The following ZNF385D variants were observed in gnomAD, a reference collection of about 807,000 sequenced individuals.
ZNF385D encodes the protein zinc finger protein 659.
A neutral mutation model predicts 35.8 loss-of-function variants in ZNF385D; 15 were observed. That is an observed-to-expected ratio of 0.42 (90% CI 0.28 to 0.64). ZNF385D has a LOEUF of 0.64. ZNF385D is among the 30% of genes least tolerant of loss of function. ZNF385D has a pLI of 0.23. For missense variants in ZNF385D, 474 were observed against 494.6 expected (o/e 0.96, Z 0.39); for synonymous variants, 212 against 186.8 (o/e 1.13, Z -1.10).
At chr3:22,145,636 T>A (rs1411701160) in intron 3 of ZNF385D, among the ~76,000 whole-genome samples, 1 of 152,240 alleles carries the variant, frequency 6.6e-6, no homozygotes, top group African/African-American at 2.4e-5. Context: ...TTTGGGGTTT[T>A]GAGTTACAAA....
chr3:21,727,541 T>A (rs1442728349), intron 1 of ZNF385D, among the ~76,000 whole-genome samples: 1 of 152,174 alleles, frequency 6.6e-6, no homozygotes, highest in Non-Finnish European at 1.5e-5. Context: ...AAGGAGACAT[T>A]TATGCAGCCA....
chr3:21,882,660 C>G (rs1698339823), intron 3 of ZNF385D, among the ~76,000 whole-genome samples: 1 of 151,908 alleles, frequency 6.6e-6, no homozygotes, highest in African/African-American at 2.4e-5. Context: ...AACAAGATCC[C>G]CTGATTCTCA....
intron 5 of ZNF385D, among the ~76,000 whole-genome samples, chr3:21,428,569 C>G (rs929741845): frequency 1.3e-5 from 2 of 152,086 alleles, no homozygotes; most frequent in African/African-American, 4.8e-5. Flanking sequence ...CCCGCACCCC[C>G]ACCCCCTGCT....
At chr3:22,227,133 A>G (rs988125454) in intron 2 of ZNF385D, among the ~76,000 whole-genome samples, 2 of 151,742 alleles carry the variant, frequency 1.3e-5, no homozygotes, top group African/African-American at 4.9e-5. Flanking sequence ...TTATGATTAT[A>G]TAACATAATA....
intron 3 of ZNF385D, among the ~76,000 whole-genome samples, chr3:22,063,199 T>C (rs774185127): frequency 1.9e-4 from 29 of 152,172 alleles, no homozygotes; most frequent in South Asian, 2.1e-4. Context: ...TTTCTCTATC[T>C]GAATAATGGG....
chr3:21,751,503 C>T (rs1559584919), upstream of ZNF385D: 1 of 962,208 alleles, frequency 1.0e-6, no homozygotes, highest in Non-Finnish European at 1.2e-6. Context: ...TTACCCCGCC[C>T]CTCCTGTGAA....
rs560308004 is a variant in ZNF385D at position 21,579,000 on chromosome 3, G to C, written c.166-14316C>G. Among the ~76,000 whole-genome samples, 66 of 152,248 alleles carry C rather than the reference G, an allele frequency of 4.3e-4. 2 individuals are homozygous for C. The South Asian group carries it at 0.013, about 31-fold the overall frequency. Reference sequence around the variant, plus strand: ...GTAGAGACCTTGTCATCAGCACTTAGAGTCTTAGTTCCACTCTTAATTCCT... The same window carrying C: ...GTAGAGACCTTGTCATCAGCACTTACAGTCTTAGTTCCACTCTTAATTCCT... On this transcript the variant is annotated intron_variant, in intron 2 of 7. Transcript: ENST00000281523.
intron 3 of ZNF385D, among the ~76,000 whole-genome samples, chr3:22,008,067 G>A (rs916775051): frequency 3.9e-5 from 6 of 151,976 alleles, no homozygotes; most frequent in African/African-American, 1.4e-4. Flanking sequence ...AGTTTGATGA[G>A]AAGTAGAATC....
At chr3:21,831,800 ATGTATTTTGTTACCC>A (rs1411085417) in intron 3 of ZNF385D, among the ~76,000 whole-genome samples, 6 of 152,272 alleles carry the variant, frequency 3.9e-5, no homozygotes, top group Non-Finnish European at 5.9e-5. Context: ...GATTGTTAGG[ATGTATTTTGTTACCC>A]TGTATTTTGG....
intron 2 of ZNF385D, among the ~76,000 whole-genome samples, chr3:21,590,068 C>A (rs80009385): frequency 6.6e-6 from 1 of 152,180 alleles, no homozygotes; most frequent in East Asian, 1.9e-4. Context: ...TAACAGAAGT[C>A]TTTGTAACAG....
chr3:22,092,985 C>G (rs1353507577), intron 3 of ZNF385D, among the ~76,000 whole-genome samples: 1 of 152,066 alleles, frequency 6.6e-6, no homozygotes, highest in Non-Finnish European at 1.5e-5. Context: ...CGCAAATAAA[C>G]TTATCAAAAC....
chr3:21,800,547 A>T (rs1182519861), intron 3 of ZNF385D, among the ~76,000 whole-genome samples: 1 of 152,224 alleles, frequency 6.6e-6, no homozygotes, highest in Non-Finnish European at 1.5e-5. Flanking sequence ...CTAAGGCAGG[A>T]GCATTGCTTG....
At chr3:21,662,837 A>T (rs750508228) in intron 2 of ZNF385D, among the ~76,000 whole-genome samples, 3 of 152,224 alleles carry the variant, frequency 2.0e-5, no homozygotes, top group Non-Finnish European at 4.4e-5. Flanking sequence ...ACATTTTCAG[A>T]ATCAGAAGGG....
At chr3:22,151,746 C>G (rs939368322) in intron 3 of ZNF385D, among the ~76,000 whole-genome samples, 1 of 152,066 alleles carries the variant, frequency 6.6e-6, no homozygotes, top group South Asian at 2.1e-4. Context: ...CAGAAACATC[C>G]AGAATAATAT....
At chr3:21,712,406 C>T (rs915684336) in intron 1 of ZNF385D, among the ~76,000 whole-genome samples, 10 of 152,280 alleles carry the variant, frequency 6.6e-5, no homozygotes, top group Middle Eastern at 3.4e-3. Flanking sequence ...ATTGAACTCA[C>T]GGTCTCTTCT....
chr3:21,688,355 CAGTATTTATTATAAAT>C (rs1253854615), intron 1 of ZNF385D, among the ~76,000 whole-genome samples: 1 of 151,598 alleles, frequency 6.6e-6, no homozygotes, highest in Non-Finnish European at 1.5e-5. Context: ...TTGGTATGTC[CAGTATTTATTATAAAT>C]AAAGCTGACA....
intron 2 of ZNF385D, among the ~76,000 whole-genome samples, chr3:22,250,753 G>A (rs1331149163): frequency 6.6e-6 from 1 of 152,110 alleles, no homozygotes; most frequent in African/African-American, 2.4e-5. Flanking sequence ...AACACTGCAT[G>A]ACAGAGCAGT....
intron 2 of ZNF385D, among the ~76,000 whole-genome samples, chr3:22,340,742 A>G (rs561029973): frequency 6.6e-6 from 1 of 152,296 alleles, no homozygotes; most frequent in East Asian, 1.9e-4. Context: ...GTCTCCTTAC[A>G]TTCACATGAA....
chr3:21,421,335 C>G lies in ZNF385D; in HGVS notation c.1067G>C (p.Ser356Thr), dbSNP rs1700727453. 1 of 1,613,902 alleles carries G rather than the reference C, an allele frequency of 6.2e-7. No individual in the cohort carries two copies. Among genetic ancestry groups the G allele is most frequent in the Non-Finnish European group, 8.5e-7 (1 of 1,179,904 alleles). ...AAAVAVSSPFSLRTAPAATLF... is the reference protein window; with the variant it reads ...AAAVAVSSPFTLRTAPAATLF... ...TGTTGCTGCTGGAGCAGTTCGAAGA[C>G]TGAAGGGGGAACTCACTGCCACTGC... is the stretch of plus-strand genomic sequence containing the variant. The change falls in exon 8 of 8, where the codon AGT (serine) becomes ACT (threonine). Residue 356 changes from serine to threonine, a missense_variant. Transcript: ENST00000281523.
Sources: allele counts gnomAD v4.1 joint callset (sites outside exome capture counted in the v4.1 genomes callset), GRCh38; gene constraint gnomAD v4.1.1; transcripts MANE v1.5; gene names NCBI Gene and HGNC (gene_info 2026-07-23, HGNC 2026-07-21).